Variants in XKR4 observed in about 807,000 individuals in gnomAD.
XKR4 encodes the protein XK-related protein 4.
Under a neutral mutation model 53.9 loss-of-function variants are expected in XKR4, and 12 were observed. The observed-to-expected ratio is 0.22, with a 90% confidence interval of 0.14 to 0.36. XKR4 has a LOEUF of 0.36. XKR4 is among the 10% of genes least tolerant of loss of function. The pLI, the probability that XKR4 is intolerant of heterozygous loss-of-function variation, is 1.00. For synonymous variants in XKR4, 354 were observed against 362.4 expected, an observed-to-expected ratio of 0.98 and a Z score of 0.26; for missense variants, 799 against 859.5, an observed-to-expected ratio of 0.93 and a Z score of 0.88.
intron 2 of XKR4, among the ~76,000 whole-genome samples, chr8:55,473,221 T>C (rs952607632): frequency 6.6e-6 from 1 of 152,134 alleles, no homozygotes; most frequent in African/African-American, 2.4e-5. Context: ...TATAGTTCCT[T>C]ATAATTGACC....
rs376283342 is a variant in XKR4, at chr8:55,332,860, T to C, written c.807-24818T>C. ...TTTTTTTACTGGAACTTCCATAATATGTATGTTAGTTTGCTTGATGATGTC... is the reference window on the plus strand; with the variant it reads ...TTTTTTTACTGGAACTTCCATAATACGTATGTTAGTTTGCTTGATGATGTC... On this transcript the variant is annotated intron_variant, in intron 1 of 2. Transcript: ENST00000327381. Among the ~76,000 whole-genome samples the C allele has an allele frequency of 1.4e-4, 21 of 151,974 alleles. No individual in the cohort carries two copies. The South Asian group carries it at 3.9e-3, about 29-fold the overall frequency.
rs78243589 is a variant in XKR4, at chr8:55,402,054, C to T, written c.1006+44177C>T. ...CACGTCTGGCTAATAATAGATGATT[C>T]TTGTATCTCCTTCTGTATTCAATCT... On this transcript the variant is annotated intron_variant, in intron 2 of 2. Transcript: ENST00000327381. Among the ~76,000 whole-genome samples, 39 of 152,244 alleles carry T rather than the reference C, an allele frequency of 2.6e-4. 1 individual carries two copies. The East Asian group carries it at 7.5e-3, about 29-fold the overall frequency.
intron 1 of XKR4, among the ~76,000 whole-genome samples, chr8:55,137,042 A>G (rs1296076938): frequency 6.6e-6 from 1 of 152,218 alleles, no homozygotes; most frequent in African/African-American, 2.4e-5. Flanking sequence ...AAAACCGATA[A>G]TGTTAGACAT....
intron 1 of XKR4, among the ~76,000 whole-genome samples, chr8:55,201,493 G>A (rs1817576912): frequency 6.6e-6 from 1 of 152,166 alleles, no homozygotes; most frequent in Non-Finnish European, 1.5e-5. Flanking sequence ...GCATTTCTGG[G>A]AAAATTGAGA....
intron 1 of XKR4, among the ~76,000 whole-genome samples, chr8:55,150,245 G>A (rs887804303): frequency 6.6e-6 from 1 of 152,118 alleles, no homozygotes; most frequent in Non-Finnish European, 1.5e-5. Flanking sequence ...AACTGTAACT[G>A]TATTTCTGTG....
At chr8:55,438,775 T>C (rs950423943) in intron 2 of XKR4, among the ~76,000 whole-genome samples, 1 of 152,114 alleles carries the variant, frequency 6.6e-6, no homozygotes, top group Non-Finnish European at 1.5e-5. Flanking sequence ...TCTTAAAATA[T>C]TGAGACATAG....
At chr8:55,352,300 C>T (rs984745701) in intron 1 of XKR4, among the ~76,000 whole-genome samples, 87 of 152,238 alleles carry the variant, frequency 5.7e-4, no homozygotes, top group African/African-American at 2.0e-3. Flanking sequence ...ACCACATGAG[C>T]AAAGGCACGA....
chr8:55,253,201 G>C (rs527400631), intron 1 of XKR4, among the ~76,000 whole-genome samples: 2 of 151,852 alleles, frequency 1.3e-5, no homozygotes, highest in Non-Finnish European at 2.9e-5. Flanking sequence ...TTTTCCTTCC[G>C]ACGTAAATAT....
At chr8:55,315,336 G>A (rs1819457814) in intron 1 of XKR4, among the ~76,000 whole-genome samples, 1 of 152,140 alleles carries the variant, frequency 6.6e-6, no homozygotes, top group African/African-American at 2.4e-5. Flanking sequence ...AAGTGGTTGG[G>A]TTTTCCGCCC....
chr8:55,176,134 A>C (rs1444145173), intron 1 of XKR4, among the ~76,000 whole-genome samples: 1 of 152,212 alleles, frequency 6.6e-6, no homozygotes, highest in Non-Finnish European at 1.5e-5. Context: ...CAAAGTGCAG[A>C]TCTATATTGT....
At position 55,530,196 on chromosome 8, in the gene XKR4, G is replaced by GAAGA. The variant is rs1474435151; in HGVS notation, c.*5972_*5973insAAAG. On this transcript the variant is annotated 3_prime_UTR_variant, in exon 3 of 3. Transcript: ENST00000327381. ...GGAAGGAAGGAAGGAAGGAAGGAAG[G>GAAGA]AAGGAAGGAAGGAGATTTAACAAGT... 2 of 113,122 alleles carry GAAGA rather than the reference G, an allele frequency of 1.8e-5. No homozygotes were observed. Among genetic ancestry groups the GAAGA allele is most frequent in the African/African-American group, 6.5e-5 (2 of 30,820 alleles). 7.0% of individuals were successfully genotyped at this position (113,122 alleles called of 1,614,324 possible). A position where few individuals can be genotyped will look rare whatever the true frequency, so the allele number is the denominator to read the frequency against.
rs564096688 is a variant in XKR4, at chr8:55,434,253, G to T, written c.1006+76376G>T. The stretch of plus-strand genomic sequence containing the variant: ...GTTCTCTAAAACTTGTAACCTAATT[G>T]AATTAGCTACGAAGGGAGTCTTTGT... On this transcript the variant is annotated intron_variant, in intron 2 of 2. Transcript: ENST00000327381. Among the ~76,000 whole-genome samples the T allele has an allele frequency of 5.3e-5, 8 of 152,266 alleles. 1 individual carries two copies. The East Asian group carries it at 1.5e-3, about 29-fold the overall frequency.
At chr8:55,483,331 T>C (rs921007860) in intron 2 of XKR4, among the ~76,000 whole-genome samples, 1 of 152,064 alleles carries the variant, frequency 6.6e-6, no homozygotes, top group African/African-American at 2.4e-5. Context: ...ATTTAGGAAA[T>C]GAAAATAAAA....
At position 55,389,320 on chromosome 8, in the gene XKR4, C is replaced by G. The variant is rs552171957; in HGVS notation, c.1006+31443C>G. On this transcript the variant is annotated intron_variant, in intron 2 of 2. Coordinates refer to ENST00000327381, the MANE Select transcript of XKR4 (RefSeq NM_052898.2). ...AGTAGCCCCAGAAAACTAATATATT[C>G]TCAGCCTGATAGGAAATGATTTCTT... Among the ~76,000 whole-genome samples the G allele has an allele frequency of 2.0e-5, 3 of 152,320 alleles. No individual in the cohort carries two copies. In the East Asian group the frequency reaches 5.8e-4, roughly 29 times the overall value.
At chr8:55,343,334 C>T (rs1181014518) in intron 1 of XKR4, among the ~76,000 whole-genome samples, 1 of 152,150 alleles carries the variant, frequency 6.6e-6, no homozygotes, top group East Asian at 1.9e-4. Flanking sequence ...TTCCTGGACT[C>T]ATCTTCATGA....
chr8:55,303,736 G>T (rs1168214810), intron 1 of XKR4, among the ~76,000 whole-genome samples: 1 of 152,182 alleles, frequency 6.6e-6, no homozygotes, highest in Non-Finnish European at 1.5e-5. Context: ...GAGGGTGTAT[G>T]TGTCGAGGAA....
rs1468392663 is a variant in XKR4, at chr8:55,338,813, T to C, written c.807-18865T>C. ...GATTTTTGGATATTTTGGATTTACA[T>C]AGACAATTTAAAAATGCTCAAGAAA... On this transcript the variant is annotated intron_variant, in intron 1 of 2. Coordinates refer to ENST00000327381, the MANE Select transcript of XKR4 (RefSeq NM_052898.2). Among the ~76,000 whole-genome samples the C allele has an allele frequency of 4.6e-5, 7 of 152,330 alleles. 1 individual carries two copies. The Middle Eastern group carries it at 0.014, about 296-fold the overall frequency.
At chr8:55,495,851 T>C (rs2658925) in intron 2 of XKR4, among the ~76,000 whole-genome samples, 71,759 of 152,152 alleles carry the variant, frequency 0.47, 18,543 homozygotes, top group African/African-American at 0.69. Flanking sequence ...CTGCAGCTGG[T>C]GGCCACTCCA....
chr8:55,496,177 G>A lies in XKR4; in HGVS notation c.1007-27104G>A, dbSNP rs374734862. On this transcript the variant is annotated intron_variant, in intron 2 of 2. Coordinates refer to ENST00000327381, the MANE Select transcript of XKR4 (RefSeq NM_052898.2). ...AGGGCAATAAGTACTCGCATACTGA[G>A]TGGAGGGAGCTGTTCGGGTTAAGAA... Among the ~76,000 whole-genome samples, 115 of 152,332 alleles carry A rather than the reference G, an allele frequency of 7.5e-4. 2 individuals are homozygous for A. In the South Asian group the frequency reaches 0.021, roughly 27 times the overall value.
Sources: gnomAD v4.1 joint callset for allele counts (sites outside exome capture counted in the v4.1 genomes callset) on GRCh38, gnomAD v4.1.1 for gene constraint, MANE v1.5 for transcripts, NCBI Gene and HGNC (gene_info 2026-07-23, HGNC 2026-07-21) for gene names.